Variants in S100A13 observed in about 807,000 individuals in gnomAD.
S100A13 encodes protein S100-A13.
In S100A13, 6 loss-of-function variants were observed where a neutral mutation model predicts 8.2. That is an observed-to-expected ratio of 0.73 (90% confidence interval 0.40 to 1.44). The LOEUF (loss-of-function observed/expected upper bound fraction) is 1.44, where lower values mean the gene tolerates loss of function less well. Ranked by LOEUF, S100A13 falls within the 40% of genes most tolerant of loss-of-function variation. The pLI is 0.02. For synonymous variants in S100A13, 39 were observed against 45.9 expected, an observed-to-expected ratio of 0.85 and a Z score of 0.61; for missense variants, 114 against 113.6, an observed-to-expected ratio of 1.00 and a Z score of -0.02.
intron 2 of S100A13, among the ~76,000 whole-genome samples, chr1:153,619,954 G>T (rs988306268): frequency 6.6e-6 from 1 of 152,128 alleles, no homozygotes; most frequent in East Asian, 1.9e-4. Context: ...TATATTGGGG[G>T]TGCATTCAAT....
At position 153,627,503 on chromosome 1, in the gene S100A13, A is replaced by C. The variant is rs1025612435; in HGVS notation, c.-82T>G. 1 of 152,588 alleles carries C rather than the reference A, an allele frequency of 6.6e-6. No homozygotes were observed. Among genetic ancestry groups the C allele is most frequent in the Non-Finnish European group, 1.5e-5 (1 of 68,338 alleles). 9.5% of individuals were successfully genotyped at this position (152,588 alleles called of 1,614,324 possible). On this transcript the variant is annotated 5_prime_UTR_variant, in exon 1 of 3. Coordinates refer to ENST00000476133, the MANE Select transcript of S100A13 (RefSeq NM_001024211.2). ...CTCACCCGGCAAGGAGATGGGGTAG[A>C]GTGAGCTGGAGCCTCAGGGCTGAGG...
At chr1:153,625,252 G>A (rs1302948618) in intron 2 of S100A13, among the ~76,000 whole-genome samples, 1 of 152,110 alleles carries the variant, frequency 6.6e-6, no homozygotes, top group Non-Finnish European at 1.5e-5. Context: ...CTGAGAAGTT[G>A]GAAGTTGTAG....
upstream of S100A13, chr1:153,628,547 G>A (rs1667814006): frequency 1.3e-6 from 2 of 1,547,694 alleles, no homozygotes; most frequent in Non-Finnish European, 1.7e-6. Context: ...GCTTCAGGGA[G>A]AGGGGTCTTC....
At chr1:153,628,728 G>A (rs906968157), upstream of S100A13, 10 of 704,202 alleles carry the variant, frequency 1.4e-5, no homozygotes, top group Non-Finnish European at 2.2e-5. Flanking sequence ...CAGCAAAGGA[G>A]GAAGCCAGTG....
At chr1:153,621,619 C>G (rs1284094953) in intron 2 of S100A13, among the ~76,000 whole-genome samples, 4 of 150,144 alleles carry the variant, frequency 2.7e-5, no homozygotes, top group Non-Finnish European at 1.5e-5. Flanking sequence ...GCAACCCGCT[C>G]GGGTCTCTCA....
intron 2 of S100A13, among the ~76,000 whole-genome samples, chr1:153,619,248 G>C (rs910259932): frequency 7.2e-5 from 11 of 152,182 alleles, no homozygotes; most frequent in Non-Finnish European, 1.3e-4. Flanking sequence ...AGGTGGGGGG[G>C]CCTGAGTCCT....
chr1:153,619,326 T>C (rs1350431911), intron 2 of S100A13, among the ~76,000 whole-genome samples: 2 of 152,176 alleles, frequency 1.3e-5, no homozygotes, highest in Non-Finnish European at 2.9e-5. Flanking sequence ...TGTCGCTGAA[T>C]ACAAAGCTGG....
chr1:153,625,125 C>T (rs1463715360), intron 2 of S100A13, among the ~76,000 whole-genome samples: 1 of 152,090 alleles, frequency 6.6e-6, no homozygotes, highest in Admixed American at 6.6e-5. Flanking sequence ...GTGGTCCCAG[C>T]TACTTGTGAG....
intron 2 of S100A13, among the ~76,000 whole-genome samples, chr1:153,623,424 T>C (rs1571285854): frequency 6.6e-6 from 1 of 151,858 alleles, no homozygotes; most frequent in South Asian, 2.1e-4. Context: ...CTCCCTCTGT[T>C]GCCCAGGCTG....
chr1:153,623,754 C>T (rs556157542), intron 2 of S100A13, among the ~76,000 whole-genome samples: 206 of 152,244 alleles, frequency 1.4e-3, no homozygotes, highest in African/African-American at 4.7e-3. Flanking sequence ...AACACAGAAC[C>T]GCCAGGTATT....
chr1:153,628,914 T>C (rs1424915379), upstream of S100A13: 2 of 177,282 alleles, frequency 1.1e-5, no homozygotes, highest in Non-Finnish European at 2.4e-5. Flanking sequence ...CCACCTCTCC[T>C]GCCAGCCTTA....
chr1:153,626,698 C>G (rs1051592708), intron 1 of S100A13, 165 bp from the exon 2 acceptor site: 21 of 480,758 alleles, frequency 4.4e-5, no homozygotes, highest in Middle Eastern at 5.6e-4. Context: ...GCAGACCAGG[C>G]AACGGCATCT....
chr1:153,632,015 T>C (rs968899521), upstream of S100A13: 158 of 661,238 alleles, frequency 2.4e-4, no homozygotes, highest in Non-Finnish European at 3.4e-4. Flanking sequence ...TCATCTTTCA[T>C]TAAAGGCTTC....
intron 2 of S100A13, among the ~76,000 whole-genome samples, chr1:153,620,903 C>A (rs1224734463): frequency 6.6e-6 from 1 of 151,814 alleles, no homozygotes; most frequent in East Asian, 1.9e-4. Context: ...CCCATCTCTA[C>A]AAGAAAAGGA....
chr1:153,631,480 G>A (rs1309997950), upstream of S100A13: 4 of 1,599,812 alleles, frequency 2.5e-6, no homozygotes, highest in African/African-American at 2.7e-5. Flanking sequence ...TGAACATACG[G>A]TAACTGGTGT....
At chr1:153,631,793 G>A, upstream of S100A13, 1 of 1,614,170 alleles carries the variant, frequency 6.2e-7, no homozygotes, top group Middle Eastern at 1.6e-4. Context: ...TGGTGCTTGT[G>A]GCTGCTCTCA....
chr1:153,626,948 C>T (rs565184728), intron 1 of S100A13: 1 of 155,298 alleles, frequency 6.4e-6, no homozygotes, highest in Admixed American at 6.2e-5. Flanking sequence ...CACCCAGACT[C>T]ACAGGTCATA....
At chr1:153,624,011 A>G (rs1035897990) in intron 2 of S100A13, among the ~76,000 whole-genome samples, 1 of 152,202 alleles carries the variant, frequency 6.6e-6, no homozygotes, top group African/African-American at 2.4e-5. Flanking sequence ...AGGAAGGGCA[A>G]TGAGGACCCG....
upstream of S100A13, chr1:153,630,369 G>A (rs1230465454): frequency 2.4e-5 from 26 of 1,073,902 alleles, no homozygotes; most frequent in South Asian, 3.8e-4. Context: ...AAAATCTCAG[G>A]GAAAGATCAA....
Sources: gnomAD v4.1 joint callset for allele counts (sites outside exome capture counted in the v4.1 genomes callset) on GRCh38, gnomAD v4.1.1 for gene constraint, MANE v1.5 for transcripts, NCBI Gene and HGNC (gene_info 2026-07-23, HGNC 2026-07-21) for gene names.